USP25: variants seen among roughly 807,000 people sequenced by gnomAD.
USP25 encodes ubiquitin specific peptidase 25.
A neutral mutation model predicts 158.5 loss-of-function variants in USP25; 85 were observed. That is an observed-to-expected ratio of 0.54 (90% CI 0.45 to 0.64). USP25 has a LOEUF of 0.64. Ranked by LOEUF, USP25 falls within the 30% of genes least tolerant of loss-of-function variation. USP25 has a pLI of 0.00. For synonymous variants in USP25, 464 were observed against 460.4 expected, an observed-to-expected ratio of 1.01 and a Z score of -0.10; for missense variants, 1,242 against 1,327.3, an observed-to-expected ratio of 0.94 and a Z score of 1.00.
At position 15,799,829 on chromosome 21, in the gene USP25, C is replaced by T. The variant is rs199506117; in HGVS notation, c.628C>T (p.Pro210Ser). 2 of 1,602,738 alleles carry T rather than the reference C, an allele frequency of 1.2e-6. No homozygotes were observed. The highest frequency in any genetic ancestry group is 1.7e-6 in the Non-Finnish European group (2 of 1,173,418). ...YKPPSNAQDL[P>S]RNQKEHRNLP... ...GCCTCCATCAAATGCTCAAGATTTA[C>T]CCCGAAACCAAAAGGTAAAATTCAA... Residue 210 changes from proline to serine, a missense_variant, in exon 6 of 26, where the codon CCC becomes TCC. Coordinates refer to ENST00000400183, the MANE Select transcript of USP25 (RefSeq NM_001283041.3).
chr21:15,772,331 A>G (rs1281929171), intron 3 of USP25, among the ~76,000 whole-genome samples: 2 of 152,168 alleles, frequency 1.3e-5, no homozygotes, highest in Non-Finnish European at 2.9e-5. Context: ...TACAGGAAAA[A>G]TGTTTTAATT....
intron 3 of USP25, among the ~76,000 whole-genome samples, chr21:15,775,935 C>T (rs920498019): frequency 2.6e-5 from 4 of 151,758 alleles, no homozygotes; most frequent in Admixed American, 6.6e-5. Flanking sequence ...GGAATCTGAC[C>T]GCTAATTAAT....
chr21:15,860,081 C>T (rs1053481656), intron 20 of USP25, among the ~76,000 whole-genome samples: 5 of 150,796 alleles, frequency 3.3e-5, no homozygotes, highest in East Asian at 1.9e-4. Flanking sequence ...CTTTGCCTCC[C>T]GGGTTCAAGT....
intron 17 of USP25, among the ~76,000 whole-genome samples, chr21:15,835,155 AT>A (rs2038001960): frequency 1.3e-5 from 2 of 152,226 alleles, no homozygotes. Flanking sequence ...AAGGGGCTGC[AT>A]AGTGTACTAT....
chr21:15,768,278 G>T (rs1332865579), intron 3 of USP25, among the ~76,000 whole-genome samples: 1 of 152,064 alleles, frequency 6.6e-6, no homozygotes, highest in Non-Finnish European at 1.5e-5. Context: ...TGTCCATAAA[G>T]TTGGTTAGAG....
intron 10 of USP25, among the ~76,000 whole-genome samples, chr21:15,821,778 G>A (rs574107855): frequency 1.3e-5 from 2 of 151,936 alleles, no homozygotes; most frequent in South Asian, 4.1e-4. Context: ...TGTTTTTTCT[G>A]TTGTTTTTTT....
rs1433320813 is a variant in USP25 at position 15,730,954 on chromosome 21, C to T, written c.45+516C>T. Among the ~76,000 whole-genome samples, 7 of 137,696 alleles carry T rather than the reference C, an allele frequency of 5.1e-5. No homozygotes were observed. In the East Asian group the frequency reaches 1.5e-3, roughly 29 times the overall value. 90.3% of individuals were successfully genotyped at this position (137,696 alleles called of 152,430 possible). ...TTGGTTTCTTTTCCTTTTAAGGTTT[C>T]CCTTTCTTCTTCTTCTTTTCTGTTT... On this transcript the variant is annotated intron_variant, in intron 1 of 25. Coordinates refer to ENST00000400183, the MANE Select transcript of USP25 (RefSeq NM_001283041.3).
chr21:15,731,497 A>G (rs2030897831), intron 1 of USP25, among the ~76,000 whole-genome samples: 1 of 152,162 alleles, frequency 6.6e-6, no homozygotes, highest in Non-Finnish European at 1.5e-5. Context: ...TGACTTTAGA[A>G]TAAGACCTGT....
intron 3 of USP25, among the ~76,000 whole-genome samples, chr21:15,768,947 C>G (rs764758335): frequency 1.3e-5 from 2 of 152,014 alleles, no homozygotes; most frequent in East Asian, 1.9e-4. Context: ...CTTCTGAAAT[C>G]GAAATCTCTA....
At chr21:15,762,405 A>C (rs1009818504) in intron 1 of USP25, among the ~76,000 whole-genome samples, 1 of 152,200 alleles carries the variant, frequency 6.6e-6, no homozygotes, top group Non-Finnish European at 1.5e-5. Flanking sequence ...CAAATGATCT[A>C]TTCAATTTAG....
chr21:15,865,213 A>G (rs1173142359), intron 21 of USP25, among the ~76,000 whole-genome samples: 1 of 152,202 alleles, frequency 6.6e-6, no homozygotes, highest in Non-Finnish European at 1.5e-5. Flanking sequence ...AATGAGTGAC[A>G]CTAGAAAATA....
At chr21:15,762,851 A>G in intron 1 of USP25, 40 bp from the exon 2 acceptor site, 1 of 1,533,064 alleles carries the variant, frequency 6.5e-7, no homozygotes. Flanking sequence ...ATATTTTCAG[A>G]GTTGAGAATA....
At chr21:15,808,629 T>A (rs774319270) in intron 7 of USP25, among the ~76,000 whole-genome samples, 180 bp from the exon 8 acceptor site, 1 of 152,118 alleles carries the variant, frequency 6.6e-6, no homozygotes, top group Non-Finnish European at 1.5e-5. Context: ...TTTTCAAATA[T>A]CTTATATCCT....
intron 7 of USP25, among the ~76,000 whole-genome samples, chr21:15,807,791 C>A (rs1260064103): frequency 6.6e-6 from 1 of 152,192 alleles, no homozygotes; most frequent in Non-Finnish European, 1.5e-5. Flanking sequence ...TTGACAAAGA[C>A]CATTATTCTA....
chr21:15,860,732 A>G (rs998583090), intron 20 of USP25, among the ~76,000 whole-genome samples: 3 of 152,064 alleles, frequency 2.0e-5, no homozygotes, highest in Non-Finnish European at 4.4e-5. Flanking sequence ...AGCATTTTAA[A>G]ATACACATAA....
chr21:15,871,830 G>A (rs775589182), intron 23 of USP25, among the ~76,000 whole-genome samples: 9 of 151,752 alleles, frequency 5.9e-5, no homozygotes, highest in Non-Finnish European at 1.2e-4. Context: ...TATTACTTGT[G>A]GAATATCTTT....
chr21:15,811,548 C>G (rs927759794), intron 9 of USP25, among the ~76,000 whole-genome samples: 2 of 152,118 alleles, frequency 1.3e-5, no homozygotes, highest in Non-Finnish European at 2.9e-5. Context: ...AAATACTGGG[C>G]TTGATATGAT....
At chr21:15,745,925 TG>T (rs2032519558) in intron 1 of USP25, among the ~76,000 whole-genome samples, 1 of 152,270 alleles carries the variant, frequency 6.6e-6, no homozygotes, top group Admixed American at 6.5e-5. Flanking sequence ...ATTTATTGCA[TG>T]TGGAATCTAG....
intron 7 of USP25, among the ~76,000 whole-genome samples, chr21:15,807,555 T>C (rs566090406): frequency 3.3e-4 from 50 of 152,196 alleles, no homozygotes; most frequent in Non-Finnish European, 5.1e-4. Flanking sequence ...ACTTCCTCCA[T>C]TGGCTCTGAG....
Sources: gnomAD v4.1 joint callset for allele counts (sites outside exome capture counted in the v4.1 genomes callset) on GRCh38, gnomAD v4.1.1 for gene constraint, MANE v1.5 for transcripts, NCBI Gene and HGNC (gene_info 2026-07-23, HGNC 2026-07-21) for gene names.